PLPPR1: variants seen among roughly 807,000 people sequenced by gnomAD.
PLPPR1 encodes the protein phospholipid phosphatase related 1, also known as phospholipid phosphatase-related protein type 1.
In PLPPR1, 10 loss-of-function variants were observed where a neutral mutation model predicts 33.1. The ratio of observed to expected loss-of-function variants is 0.30; its 90% confidence interval spans 0.19 to 0.51. The LOEUF is 0.51. PLPPR1 is among the 20% of genes least tolerant of loss of function. The pLI, the probability that PLPPR1 is intolerant of heterozygous loss-of-function variation, is 0.97. For synonymous variants in PLPPR1, 151 were observed against 151.0 expected (o/e 1.00, Z 0.00); for missense variants, 304 against 408.1 (o/e 0.74, Z 2.20).
intron 1 of PLPPR1, among the ~76,000 whole-genome samples, chr9:101,156,570 AAAAGAAAG>A (rs1451562482): frequency 1.0e-5 from 1 of 98,384 alleles, no homozygotes; most frequent in Non-Finnish European, 2.2e-5. Context: ...AAAAAAAAAA[AAAAGAAAG>A]AAAGAAAGAA....
At chr9:101,182,485 T>G (rs1826132224) in intron 1 of PLPPR1, among the ~76,000 whole-genome samples, 1 of 151,924 alleles carries the variant, frequency 6.6e-6, no homozygotes, top group East Asian at 1.9e-4. Context: ...ACATTATACC[T>G]CATAAATATA....
chr9:101,125,504 CA>C, intron 1 of PLPPR1: 1 of 340,618 alleles, frequency 2.9e-6, no homozygotes, highest in Non-Finnish European at 5.5e-6. Flanking sequence ...CAGCAAGAGA[CA>C]AAACAGGGAC....
chr9:101,316,926 A>G (rs1314920814), intron 6 of PLPPR1, among the ~76,000 whole-genome samples: 1 of 152,148 alleles, frequency 6.6e-6, no homozygotes, highest in Non-Finnish European at 1.5e-5. Context: ...GGCAAGTTAG[A>G]TAACTTCCCT....
At chr9:101,072,742 T>A (rs1241640703) in intron 1 of PLPPR1, among the ~76,000 whole-genome samples, 1 of 152,228 alleles carries the variant, frequency 6.6e-6, no homozygotes, top group Non-Finnish European at 1.5e-5. Flanking sequence ...AAAACATATG[T>A]TAATATTTCC....
intron 3 of PLPPR1, among the ~76,000 whole-genome samples, chr9:101,282,392 TA>T (rs532637375): frequency 1.1e-4 from 17 of 152,128 alleles, no homozygotes; most frequent in Non-Finnish European, 2.2e-4. Context: ...CTCAACAAAT[TA>T]GGTATAAAGA....
At chr9:101,221,045 A>ACTACCC (rs1220961564) in intron 2 of PLPPR1, among the ~76,000 whole-genome samples, 10 of 152,302 alleles carry the variant, frequency 6.6e-5, no homozygotes, top group African/African-American at 2.2e-4. Context: ...TTTTGTTAAC[A>ACTACCC]CTACCCCTCT....
rs544808614 is a variant in PLPPR1 at position 101,100,180 on chromosome 9, C to A, written c.-46+71078C>A. On this transcript the variant is annotated intron_variant, in intron 1 of 7. Transcript: ENST00000374874. ...AAAATGAGTTAATATGGGTCCCTAA[C>A]TAAATTTAGAACGCAGCAAAGTAGA... Among the ~76,000 whole-genome samples, 4 of 151,944 alleles carry A rather than the reference C, an allele frequency of 2.6e-5. No individual in the cohort carries two copies. In the South Asian group the frequency reaches 8.3e-4, roughly 32 times the overall value.
chr9:101,126,561 C>A (rs577240828), intron 1 of PLPPR1, among the ~76,000 whole-genome samples: 1 of 152,166 alleles, frequency 6.6e-6, no homozygotes, highest in Non-Finnish European at 1.5e-5. Flanking sequence ...TCTGAATAAA[C>A]AAACCTCAGA....
intron 1 of PLPPR1, among the ~76,000 whole-genome samples, chr9:101,055,207 A>G (rs1339108783): frequency 6.6e-6 from 1 of 152,360 alleles, no homozygotes; most frequent in African/African-American, 2.4e-5. Context: ...CATCTGTAAC[A>G]TTAAATTGTT....
chr9:101,317,163 T>C (rs1829070022), intron 6 of PLPPR1, among the ~76,000 whole-genome samples: 1 of 152,172 alleles, frequency 6.6e-6, no homozygotes, highest in African/African-American at 2.4e-5. Context: ...ACAGACCCAA[T>C]GGGGTGGAGA....
Position 101,143,700 on chromosome 9 carries a change from C to G in PLPPR1, c.-45-41750C>G, listed in dbSNP as rs551015850. Among the ~76,000 whole-genome samples the G allele has an allele frequency of 2.0e-5, 3 of 152,278 alleles. No homozygotes were observed. The South Asian group carries it at 6.2e-4, about 32-fold the overall frequency. On this transcript the variant is annotated intron_variant, in intron 1 of 7. Transcript: ENST00000374874. ...AAAAATGCTCATCATCACTGGCCATCAGAGAAATGCAAATCAAAACCACAA... is the reference window on the plus strand; with the variant it reads ...AAAAATGCTCATCATCACTGGCCATGAGAGAAATGCAAATCAAAACCACAA...
chr9:101,266,777 CTGTTT>C (rs1367491254), intron 2 of PLPPR1, among the ~76,000 whole-genome samples: 2 of 152,124 alleles, frequency 1.3e-5, no homozygotes, highest in African/African-American at 4.8e-5. Flanking sequence ...TAAGATAGTT[CTGTTT>C]TAAGAGCTTC....
intron 2 of PLPPR1, among the ~76,000 whole-genome samples, chr9:101,252,535 A>G (rs1827729625): frequency 6.6e-6 from 1 of 152,164 alleles, no homozygotes; most frequent in Non-Finnish European, 1.5e-5. Context: ...GGGAAATAAG[A>G]AAAATCCTTA....
intron 1 of PLPPR1, among the ~76,000 whole-genome samples, chr9:101,129,720 A>G (rs912062127): frequency 2.0e-5 from 3 of 152,144 alleles, no homozygotes; most frequent in African/African-American, 4.8e-5. Context: ...AGTCCCACCT[A>G]CTCAGGAGGC....
intron 2 of PLPPR1, among the ~76,000 whole-genome samples, chr9:101,228,661 T>C (rs533271603): frequency 6.6e-6 from 1 of 152,142 alleles, no homozygotes; most frequent in Admixed American, 6.5e-5. Context: ...AGTGGAACTA[T>C]TGGGGATGTG....
At chr9:101,280,095 GAAA>G (rs1483481345) in intron 3 of PLPPR1, among the ~76,000 whole-genome samples, 1 of 152,010 alleles carries the variant, frequency 6.6e-6, no homozygotes, top group East Asian at 1.9e-4. Context: ...AATCAGAGAT[GAAA>G]AAAGAGACAT....
intron 2 of PLPPR1, among the ~76,000 whole-genome samples, chr9:101,210,383 A>G (rs1038699423): frequency 6.6e-6 from 1 of 152,148 alleles, no homozygotes; most frequent in Admixed American, 6.5e-5. Context: ...GGGGCTTTGT[A>G]TGGGAAGTAA....
intron 1 of PLPPR1, among the ~76,000 whole-genome samples, chr9:101,183,271 T>C (rs965669172): frequency 3.3e-5 from 5 of 151,780 alleles, no homozygotes; most frequent in Non-Finnish European, 5.9e-5. Flanking sequence ...ACAATCTAAA[T>C]GTCTACCAAC....
At chr9:101,294,821 T>C (rs1828591101) in intron 4 of PLPPR1, among the ~76,000 whole-genome samples, 2 of 152,052 alleles carry the variant, frequency 1.3e-5, no homozygotes, top group South Asian at 4.1e-4. Context: ...AAGAGCTATC[T>C]ATGACAAACC....
Sources: allele counts gnomAD v4.1 joint callset (sites outside exome capture counted in the v4.1 genomes callset), GRCh38; gene constraint gnomAD v4.1.1; transcripts MANE v1.5; gene names NCBI Gene and HGNC (gene_info 2026-07-23, HGNC 2026-07-21).